SMUG1: variants seen among roughly 807,000 people sequenced by gnomAD.
The protein encoded by SMUG1 is single-strand selective monofunctional uracil DNA glycosylase.
A neutral mutation model predicts 23.9 loss-of-function variants in SMUG1; 13 were observed. The observed-to-expected ratio is 0.54, with a 90% CI of 0.35 to 0.86. The LOEUF (loss-of-function observed/expected upper bound fraction) is 0.86. Among genes scored for constraint, SMUG1 ranks in the 40% least tolerant of loss-of-function variants. SMUG1 has a pLI of 0.01. For synonymous variants in SMUG1, 133 were observed against 139.8 expected, an observed-to-expected ratio of 0.95 and a Z score of 0.34; for missense variants, 313 against 339.5, an observed-to-expected ratio of 0.92 and a Z score of 0.61.
At position 54,187,699 on chromosome 12, in the gene SMUG1, T is replaced by C. The variant is rs2279399; in HGVS notation, c.-20+120A>G. 0.48 allele frequency: 73,420 copies of C among 152,020 alleles called. 18,369 individuals carry two copies. The highest frequency in any genetic ancestry group is 0.55 in the Non-Finnish European group (37,051 of 67,956). The allele number at this position is 152,020 out of a possible 1,614,324, so 9.4% of individuals were successfully genotyped here. A position where few individuals can be genotyped will look rare whatever the true frequency, so the allele number is the denominator to read the frequency against. ...TGATTTGAATTCTACTCCTGTTTCA[T>C]CTCTAAGAAGGTTCTCTTGAGCAAC... On this transcript the variant is annotated intron_variant, in intron 2 of 3. Transcript: ENST00000682136.
intron 1 of SMUG1, among the ~76,000 whole-genome samples, chr12:54,188,186 G>C (rs959910016): frequency 2.0e-5 from 3 of 151,392 alleles, no homozygotes; most frequent in Admixed American, 2.0e-4. Flanking sequence ...AAGTGAGGAA[G>C]GAATCGAAAT....
chr12:54,188,304 T>TAATAAAA (rs1565845084), intron 1 of SMUG1, among the ~76,000 whole-genome samples: 2 of 122,232 alleles, frequency 1.6e-5, no homozygotes, highest in African/African-American at 6.7e-5. Flanking sequence ...TAAATAATAA[T>TAATAAAA]AATAATAATA....
intron 3 of SMUG1, among the ~76,000 whole-genome samples, chr12:54,170,621 C>G (rs982302379): frequency 2.0e-5 from 3 of 151,886 alleles, no homozygotes; most frequent in Non-Finnish European, 4.4e-5. Context: ...TTTTGTGAGA[C>G]AGTCTCACTC....
At chr12:54,186,193 C>A (rs1049462854) in intron 2 of SMUG1, among the ~76,000 whole-genome samples, 1 of 152,208 alleles carries the variant, frequency 6.6e-6, no homozygotes, top group African/African-American at 2.4e-5. Context: ...ATCCAAATCA[C>A]TCCCATCCTT....
At chr12:54,183,541 C>T (rs778476689) in intron 3 of SMUG1, 115 bp downstream of exon 3, 104 of 1,039,792 alleles carry the variant, frequency 1.0e-4, no homozygotes, top group South Asian at 2.0e-4. Flanking sequence ...CAGAATGGGG[C>T]GGGAGGACCT....
At chr12:54,174,824 C>A (rs1219026437) in intron 2 of SMUG1, among the ~76,000 whole-genome samples, 3 of 152,192 alleles carry the variant, frequency 2.0e-5, no homozygotes, top group Admixed American at 2.0e-4. Context: ...CAGGAAAATT[C>A]TTTTGCAGGT....
chr12:54,177,212 T>C (rs1440356301), downstream of SMUG1, among the ~76,000 whole-genome samples: 2 of 152,190 alleles, frequency 1.3e-5, no homozygotes, highest in Non-Finnish European at 2.9e-5. Flanking sequence ...TGGCTGCATA[T>C]TGGTAGCATG....
At chr12:54,170,899 T>G (rs1940598495) in intron 3 of SMUG1, among the ~76,000 whole-genome samples, 1 of 146,242 alleles carries the variant, frequency 6.8e-6, no homozygotes, top group Non-Finnish European at 1.5e-5. Flanking sequence ...ACCTGGCCCC[T>G]TTTGTTTCTT....
downstream of SMUG1, among the ~76,000 whole-genome samples, chr12:54,176,634 G>A (rs1396459302): frequency 6.6e-6 from 1 of 151,306 alleles, no homozygotes; most frequent in African/African-American, 2.4e-5. Context: ...GTGAAACCCC[G>A]TCTCTACTAA....
chr12:54,170,721 T>C (rs1940594403), intron 3 of SMUG1, among the ~76,000 whole-genome samples: 1 of 152,092 alleles, frequency 6.6e-6, no homozygotes, highest in African/African-American at 2.4e-5. Context: ...CTCAGCCTCC[T>C]GAGTAGCTGG....
chr12:54,182,548 G>A lies in SMUG1; in HGVS notation c.361C>T (p.His121Tyr). 1 of 1,614,186 alleles carries A rather than the reference G, an allele frequency of 6.2e-7. No homozygotes were observed. Among genetic ancestry groups the A allele is most frequent in the Non-Finnish European group, 8.5e-7 (1 of 1,180,020 alleles). ...AGTCCCAGCACTGGTCGTTTAGGATGCTCTTGGGGAGGGGTCAGCACAGGC... is the reference window on the plus strand; with the variant it reads ...AGTCCCAGCACTGGTCGTTTAGGATACTCTTGGGGAGGGGTCAGCACAGGC... ...VGPVLTPPQEHPKRPVLGLEC... is the reference protein window; with the variant it reads ...VGPVLTPPQEYPKRPVLGLEC... The change falls in exon 4 of 4, where the codon CAT becomes TAT. Residue 121 changes from histidine (H) to tyrosine (Y), a missense_variant. By Grantham distance (83) the His-to-Tyr change is moderately conservative. Transcript: ENST00000682136.
At chr12:54,171,631 G>T (rs1376689789) in intron 3 of SMUG1, among the ~76,000 whole-genome samples, 1 of 140,228 alleles carries the variant, frequency 7.1e-6, no homozygotes, top group Admixed American at 7.5e-5. Flanking sequence ...AGGTTGCAGT[G>T]AGCTGAGATC....
At chr12:54,168,544 G>C (rs1940542786) in intron 3 of SMUG1, 1 of 152,232 alleles carries the variant, frequency 6.6e-6, no homozygotes, top group Non-Finnish European at 1.5e-5. Context: ...GAAACTGAAT[G>C]CCTAAGACAT....
chr12:54,185,538 C>T (rs181410797), intron 2 of SMUG1, among the ~76,000 whole-genome samples: 27 of 148,696 alleles, frequency 1.8e-4, no homozygotes, highest in Admixed American at 5.4e-4. Context: ...ATTTGCCGGG[C>T]GCAACAGCTC....
chr12:54,186,029 C>T (rs928102558), intron 2 of SMUG1, among the ~76,000 whole-genome samples: 2 of 152,206 alleles, frequency 1.3e-5, no homozygotes, highest in Non-Finnish European at 2.9e-5. Context: ...GACCATTCTA[C>T]TCACATTTTC....
At chr12:54,176,730 C>CGG (rs1940768938), downstream of SMUG1, among the ~76,000 whole-genome samples, 2 of 151,596 alleles carry the variant, frequency 1.3e-5, no homozygotes, top group African/African-American at 4.9e-5. Flanking sequence ...TGGCGTGAAC[C>CGG]CGGGAAGCGG....
chr12:54,175,934 T>G (rs1280307749), downstream of SMUG1, among the ~76,000 whole-genome samples: 3 of 152,000 alleles, frequency 2.0e-5, no homozygotes, highest in Non-Finnish European at 4.4e-5. Context: ...AAGACAGAGA[T>G]AAAAGGCCGG....
At chr12:54,167,904 A>G (rs1940521996) in intron 3 of SMUG1, among the ~76,000 whole-genome samples, 1 of 152,200 alleles carries the variant, frequency 6.6e-6, no homozygotes, top group Non-Finnish European at 1.5e-5. Flanking sequence ...TGCCTCCACT[A>G]GACAGGCCTC....
intron 4 of SMUG1, among the ~76,000 whole-genome samples, chr12:54,159,704 A>AGGAG (rs1940181022): frequency 6.6e-6 from 1 of 152,184 alleles, no homozygotes. Flanking sequence ...GAGAAAGGAA[A>AGGAG]GGAGGGAGGG....
Sources: allele counts gnomAD v4.1 joint callset (sites outside exome capture counted in the v4.1 genomes callset), GRCh38; gene constraint gnomAD v4.1.1; transcripts MANE v1.5; gene names NCBI Gene and HGNC (gene_info 2026-07-23, HGNC 2026-07-21).